LDB2: variants seen among roughly 807,000 people sequenced by gnomAD.
LDB2 encodes LIM domain binding 2.
Under a neutral mutation model 44.3 loss-of-function variants are expected in LDB2, and 12 were observed. The observed-to-expected ratio is 0.27, with a 90% CI of 0.17 to 0.44. The LOEUF (loss-of-function observed/expected upper bound fraction) is 0.44. LDB2 is among the 20% of genes least tolerant of loss of function. The probability of loss-of-function intolerance (pLI) is 1.00; values close to 1 mark genes in which losing one functional copy is unlikely to be tolerated. For synonymous variants in LDB2, 164 were observed against 174.8 expected (o/e 0.94, Z 0.49); for missense variants, 344 against 473.5 (o/e 0.73, Z 2.54).
intron 2 of LDB2, among the ~76,000 whole-genome samples, chr4:16,609,883 AC>A (rs1196593000): frequency 6.6e-6 from 1 of 152,064 alleles, no homozygotes; most frequent in Non-Finnish European, 1.5e-5. Context: ...GGGTCCTGCT[AC>A]CTGTGCCACC....
intron 1 of LDB2, among the ~76,000 whole-genome samples, chr4:16,832,977 A>C (rs1784301710): frequency 6.6e-6 from 1 of 152,258 alleles, no homozygotes; most frequent in Non-Finnish European, 1.5e-5. Flanking sequence ...ACACAAGTTC[A>C]TTTGAATATT....
At chr4:16,665,268 C>CTTTT (rs5856376) in intron 2 of LDB2, among the ~76,000 whole-genome samples, 13 of 127,228 alleles carry the variant, frequency 1.0e-4, no homozygotes, top group African/African-American at 2.7e-4. Flanking sequence ...TTTTTCATTT[C>CTTTT]TTTTTTTTTT....
chr4:16,853,460 G>A (rs960456900), intron 1 of LDB2, among the ~76,000 whole-genome samples: 1 of 152,122 alleles, frequency 6.6e-6, no homozygotes, highest in African/African-American at 2.4e-5. Context: ...TAGGGTGGCT[G>A]TTACCAAAAA....
intron 1 of LDB2, among the ~76,000 whole-genome samples, chr4:16,829,266 G>C (rs1326972434): frequency 6.6e-6 from 1 of 152,134 alleles, no homozygotes; most frequent in Non-Finnish European, 1.5e-5. Context: ...ATCACACTCA[G>C]AGCTTGTAAG....
intron 1 of LDB2, among the ~76,000 whole-genome samples, chr4:16,782,352 CTTT>C (rs113490072): frequency 3.5e-5 from 5 of 143,390 alleles, no homozygotes; most frequent in East Asian, 2.0e-4. Context: ...AAAATAAATA[CTTT>C]TTTTTTTTTT....
chr4:16,670,473 C>CT (rs1331172124), intron 2 of LDB2, among the ~76,000 whole-genome samples: 1 of 152,136 alleles, frequency 6.6e-6, no homozygotes, highest in African/African-American at 2.4e-5. Context: ...GGATGATGCC[C>CT]TAACACTTTG....
At chr4:16,819,092 TTGTGTGTGTGTG>T (rs34553159) in intron 1 of LDB2, among the ~76,000 whole-genome samples, 1,673 of 148,954 alleles carry the variant, frequency 0.011, 31 homozygotes, top group African/African-American at 0.039. Flanking sequence ...TTGTGGTTGC[TTGTGTGTGTGTG>T]TGTGTGTGTG....
chr4:16,714,236 A>G (rs922995636), intron 2 of LDB2, among the ~76,000 whole-genome samples: 5 of 152,204 alleles, frequency 3.3e-5, no homozygotes, highest in African/African-American at 1.2e-4. Flanking sequence ...ATGACATTGG[A>G]AAGTAGCATG....
At chr4:16,851,914 C>T (rs534361074) in intron 1 of LDB2, among the ~76,000 whole-genome samples, 29 of 152,320 alleles carry the variant, frequency 1.9e-4, no homozygotes, top group South Asian at 8.3e-4. Flanking sequence ...TGGACAAGTG[C>T]GTAGCAGCCA....
At chr4:16,772,845 G>A (rs1334697538) in intron 1 of LDB2, among the ~76,000 whole-genome samples, 1 of 152,140 alleles carries the variant, frequency 6.6e-6, no homozygotes, top group Admixed American at 6.5e-5. Context: ...GTTCACACAT[G>A]GTTTAAAATA....
In LDB2 at chr4:16,880,327, A is replaced by G. The variant is rs147061094; in HGVS notation, c.132+18027T>C. 3.3e-3 allele frequency among the ~76,000 whole-genome samples: 502 copies of G among 152,266 alleles called. 5 individuals are homozygous for G. Among genetic ancestry groups the G allele is most frequent in the African/African-American group, 0.012 (485 of 41,568 alleles). On this transcript the variant is annotated intron_variant, in intron 1 of 7. Coordinates refer to ENST00000304523, the MANE Select transcript of LDB2 (RefSeq NM_001290.5). The stretch of plus-strand genomic sequence containing the variant: ...TTTCCACACTGCAAAAAGGCAGCTG[A>G]CCAAGGGGAGAAGGAACGGCTGAAA...
At chr4:16,839,104 A>G (rs1785399624) in intron 1 of LDB2, among the ~76,000 whole-genome samples, 1 of 152,220 alleles carries the variant, frequency 6.6e-6, no homozygotes, top group Admixed American at 6.5e-5. Flanking sequence ...TGTATTCTAG[A>G]CACTTAATAT....
chr4:16,589,091 C>T (rs1717998666), intron 3 of LDB2, among the ~76,000 whole-genome samples: 1 of 152,154 alleles, frequency 6.6e-6, no homozygotes, highest in South Asian at 2.1e-4. Context: ...AACTCTATGA[C>T]CCTCAGTTTC....
chr4:16,634,598 C>T (rs982361620), intron 2 of LDB2, among the ~76,000 whole-genome samples: 1 of 152,108 alleles, frequency 6.6e-6, no homozygotes, highest in African/African-American at 2.4e-5. Flanking sequence ...CATGAGATAC[C>T]ATCTCATGCC....
At chr4:16,561,570 G>A (rs1742285050) in intron 5 of LDB2, among the ~76,000 whole-genome samples, 1 of 152,116 alleles carries the variant, frequency 6.6e-6, no homozygotes, top group East Asian at 1.9e-4. Flanking sequence ...AATAAAAGAG[G>A]ATACAAACAA....
At chr4:16,643,804 A>G (rs1263915501) in intron 2 of LDB2, among the ~76,000 whole-genome samples, 1 of 152,190 alleles carries the variant, frequency 6.6e-6, no homozygotes, top group Non-Finnish European at 1.5e-5. Flanking sequence ...TCTCACAAAT[A>G]AAGTGTCACG....
intron 1 of LDB2, among the ~76,000 whole-genome samples, chr4:16,856,725 C>A (rs1455003105): frequency 1.3e-5 from 2 of 152,080 alleles, no homozygotes; most frequent in Non-Finnish European, 2.9e-5. Context: ...CTTTGGGCAC[C>A]GTTCTAATCA....
intron 2 of LDB2, among the ~76,000 whole-genome samples, chr4:16,598,073 G>A (rs1471838636): frequency 6.6e-6 from 1 of 152,108 alleles, no homozygotes; most frequent in Admixed American, 6.6e-5. Flanking sequence ...ATCCACCATA[G>A]CAGACTAAAC....
intron 7 of LDB2, among the ~76,000 whole-genome samples, chr4:16,505,068 C>T (rs560318693): frequency 1.9e-4 from 29 of 152,180 alleles, no homozygotes; most frequent in African/African-American, 6.5e-4. Context: ...CCAACTTAAG[C>T]ATGATATTAA....
Sources: allele counts gnomAD v4.1 joint callset (sites outside exome capture counted in the v4.1 genomes callset), GRCh38; gene constraint gnomAD v4.1.1; transcripts MANE v1.5; gene names NCBI Gene and HGNC (gene_info 2026-07-23, HGNC 2026-07-21).